The following MKRN2 variants were observed in gnomAD, a reference collection of about 807,000 sequenced individuals.
The protein encoded by MKRN2 is makorin ring finger protein 2, also known as E3 ubiquitin-protein ligase makorin-2.
Under a neutral mutation model 45.4 loss-of-function variants are expected in MKRN2, and 32 were observed. The observed-to-expected ratio is 0.70, with a 90% CI of 0.53 to 0.95. MKRN2 has a LOEUF of 0.95. MKRN2 is among the 40% of genes least tolerant of loss of function. The pLI is 0.00. For synonymous variants in MKRN2, 206 were observed against 192.4 expected (o/e 1.07, Z -0.59); for missense variants, 526 against 536.7 (o/e 0.98, Z 0.20).
chr3:12,564,267 C>A (rs1045643455), intron 1 of MKRN2, among the ~76,000 whole-genome samples: 2 of 152,030 alleles, frequency 1.3e-5, no homozygotes, highest in Non-Finnish European at 2.9e-5. Context: ...GTGTCTATAC[C>A]CAGAAGTGGA....
In MKRN2 at chr3:12,570,072, T is replaced by A. The variant is rs2058089368; in HGVS notation, c.157T>A (p.Tyr53Asn). Reference protein sequence around the residue: ...GYCAYGTRCRYDHTRPSAAAG... With the variant: ...GYCAYGTRCRNDHTRPSAAAG... ...GCATCTGCTGTGTGTTTTGTTTAGA[T>A]ATGACCACACGAGGCCCTCTGCTGC... The change falls in exon 3 of 8, where the codon TAT (tyrosine) becomes AAT (asparagine). Residue 53 changes from tyrosine (Y) to asparagine (N), a missense_variant and splice_region_variant. Coordinates refer to ENST00000170447, the MANE Select transcript of MKRN2 (RefSeq NM_014160.5). 1 of 1,607,808 alleles carries A rather than the reference T, an allele frequency of 6.2e-7. No individual in the cohort carries two copies. Among genetic ancestry groups the A allele is most frequent in the Admixed American group, 1.7e-5 (1 of 58,710 alleles).
chr3:12,579,182 T>G (rs1441880819), intron 6 of MKRN2, among the ~76,000 whole-genome samples: 1 of 152,228 alleles, frequency 6.6e-6, no homozygotes, highest in Non-Finnish European at 1.5e-5. Context: ...AGACAATTTC[T>G]TTTTTCTTTC....
In MKRN2 at chr3:12,572,340, A is replaced by G. The variant is rs376618143; in HGVS notation, c.609A>G (p.Pro203=). The part of the protein sequence containing the change: ...CEICRLQVLH[P]FDPEQRKAHE... ...TCTGTAGGCTGCAAGTCTTGCACCC[A>G]TTCGACCCAGAGCAGAGGAAGGCTC... Residue 203 remains proline (P), a synonymous_variant, in exon 4 of 8, where the codon CCA becomes CCG. Transcript: ENST00000170447. The G allele has an allele frequency of 6.3e-7, 1 of 1,599,146 alleles. No individual in the cohort carries two copies.
At chr3:12,559,828 A>G (rs1373459717) in intron 1 of MKRN2, among the ~76,000 whole-genome samples, 1 of 152,082 alleles carries the variant, frequency 6.6e-6, no homozygotes, top group Non-Finnish European at 1.5e-5. Flanking sequence ...TAGCTTAGTA[A>G]CCAGTTTATT....
intron 1 of MKRN2, among the ~76,000 whole-genome samples, chr3:12,558,087 G>A (rs2057998378): frequency 6.6e-6 from 1 of 152,166 alleles, no homozygotes; most frequent in African/African-American, 2.4e-5. Flanking sequence ...AATTTTTATG[G>A]GAAACATTGC....
At chr3:12,560,478 T>TAAAAAAAAA (rs10651248) in intron 1 of MKRN2, among the ~76,000 whole-genome samples, 1 of 124,970 alleles carries the variant, frequency 8.0e-6, no homozygotes, top group Non-Finnish European at 1.7e-5. Flanking sequence ...TAGGAAAATG[T>TAAAAAAAAA]AAAAAAAAAA....
intron 2 of MKRN2, among the ~76,000 whole-genome samples, chr3:12,569,569 T>G (rs1039877682): frequency 7.9e-5 from 12 of 152,236 alleles, no homozygotes; most frequent in African/African-American, 2.7e-4. Flanking sequence ...AAAGAGCCGA[T>G]CTTTTCTTTC....
chr3:12,574,768 C>G, intron 4 of MKRN2, 24 bp from the exon 5 acceptor site: 1 of 1,602,570 alleles, frequency 6.2e-7, no homozygotes, highest in Non-Finnish European at 8.5e-7. Flanking sequence ...ACAACCAAAG[C>G]CTTCCTTCCT....
In MKRN2 at chr3:12,582,333, T is replaced by C; in HGVS notation, c.*80T>C. On this transcript the variant is annotated 3_prime_UTR_variant, in exon 8 of 8. Coordinates refer to ENST00000170447, the MANE Select transcript of MKRN2 (RefSeq NM_014160.5). ...CAGGGTGTGCGGAGCTTCCCTGTACTGCAGCCAAGGTGACGTGTGACTTGG... is the reference window on the plus strand; with the variant it reads ...CAGGGTGTGCGGAGCTTCCCTGTACCGCAGCCAAGGTGACGTGTGACTTGG... 1 of 1,564,548 alleles carries C rather than the reference T, an allele frequency of 6.4e-7. No homozygotes were observed. The highest frequency in any genetic ancestry group is 8.7e-7 in the Non-Finnish European group (1 of 1,144,106).
chr3:12,580,500 T>C (rs2058170425), intron 6 of MKRN2, among the ~76,000 whole-genome samples: 2 of 132,082 alleles, frequency 1.5e-5, no homozygotes, highest in South Asian at 5.1e-4. Flanking sequence ...TCTCCCAGGC[T>C]GGAGTGCAGT....
At chr3:12,566,702 A>T (rs1432239257) in intron 1 of MKRN2, among the ~76,000 whole-genome samples, 2 of 152,222 alleles carry the variant, frequency 1.3e-5, no homozygotes, top group Non-Finnish European at 2.9e-5. Context: ...TCCAGGGTTC[A>T]GGTGATTCTC....
chr3:12,575,226 G>A (rs1205987809), intron 5 of MKRN2, among the ~76,000 whole-genome samples: 1 of 152,144 alleles, frequency 6.6e-6, no homozygotes, highest in African/African-American at 2.4e-5. Context: ...TGGGTGTTGG[G>A]GAGGAACTCA....
rs2058197834 is a variant in MKRN2, at chr3:12,583,088, T to TA, written c.*836dup. 6.6e-6 allele frequency: 1 copy of TA among 152,234 alleles called. No homozygotes were observed. Among genetic ancestry groups the TA allele is most frequent in the African/African-American group, 2.4e-5 (1 of 41,466 alleles). 9.4% of individuals were successfully genotyped at this position (152,234 alleles called of 1,614,324 possible). On this transcript the variant is annotated 3_prime_UTR_variant, in exon 8 of 8. Transcript: ENST00000170447. Reference sequence around the variant, plus strand: ...TTGAGAACTCAAATATACGTGCACTTACATGTGTGGTTCGTACTCAAGTGA... The same window carrying TA: ...TTGAGAACTCAAATATACGTGCACTTAACATGTGTGGTTCGTACTCAAGTGA...
chr3:12,575,079 T>G, intron 5 of MKRN2, 73 bp downstream of exon 5: 1 of 1,427,414 alleles, frequency 7.0e-7, no homozygotes, highest in Non-Finnish European at 9.7e-7. Flanking sequence ...CCGTCCACTT[T>G]TAAGCCCTCC....
intron 6 of MKRN2, among the ~76,000 whole-genome samples, chr3:12,580,567 C>G (rs2058170958): frequency 6.6e-6 from 1 of 152,028 alleles, no homozygotes; most frequent in Admixed American, 6.6e-5. Context: ...ATTCTCCTGC[C>G]TCAGCCTCAG....
Position 12,562,254 on chromosome 3 carries a change from T to G in MKRN2, c.26+5078T>G, listed in dbSNP as rs184236315. 2.6e-5 allele frequency among the ~76,000 whole-genome samples: 4 copies of G among 152,270 alleles called. No individual in the cohort carries two copies. The East Asian group carries it at 7.7e-4, about 29-fold the overall frequency. ...TTTTCAGCATGAACTACATTGTACATCAGTTTAGACACAGCGAGACACTCT... is the reference window on the plus strand; with the variant it reads ...TTTTCAGCATGAACTACATTGTACAGCAGTTTAGACACAGCGAGACACTCT... On this transcript the variant is annotated intron_variant, in intron 1 of 7. Transcript: ENST00000170447.
intron 6 of MKRN2, among the ~76,000 whole-genome samples, chr3:12,577,961 G>C (rs993273279): frequency 1.3e-5 from 2 of 152,142 alleles, no homozygotes; most frequent in African/African-American, 4.8e-5. Flanking sequence ...ACAGGCATGA[G>C]CCACTGCGCC....
At chr3:12,564,643 A>G (rs1450171265) in intron 1 of MKRN2, among the ~76,000 whole-genome samples, 1 of 152,170 alleles carries the variant, frequency 6.6e-6, no homozygotes, top group Non-Finnish European at 1.5e-5. Context: ...TATACCATAA[A>G]ATTTACCTGT....
At chr3:12,561,269 A>G (rs2058034558) in intron 1 of MKRN2, among the ~76,000 whole-genome samples, 1 of 152,238 alleles carries the variant, frequency 6.6e-6, no homozygotes, top group Admixed American at 6.5e-5. Flanking sequence ...TTTGTATTTT[A>G]GTGGAAGAGA....
Sources: allele counts gnomAD v4.1 joint callset (sites outside exome capture counted in the v4.1 genomes callset), GRCh38; gene constraint gnomAD v4.1.1; transcripts MANE v1.5; gene names NCBI Gene and HGNC (gene_info 2026-07-23, HGNC 2026-07-21).